The following REDIC1 variants were observed in gnomAD, a reference collection of about 807,000 sequenced individuals.
REDIC1 encodes the protein HEI10 Interacting Protein 1.
the REDIC1 span, among the ~76,000 whole-genome samples, chr12:39,730,583 C>G: frequency 3.9e-5 from 6 of 152,214 alleles, no homozygotes; most frequent in South Asian, 2.1e-4. Context: ...CTCTGGCTAC[C>G]CTTAACATTT....
the REDIC1 span, among the ~76,000 whole-genome samples, chr12:39,729,727 T>G: frequency 2.6e-5 from 4 of 152,302 alleles, no homozygotes; most frequent in South Asian, 6.2e-4. Flanking sequence ...TAATTTTCTG[T>G]CTTGTTGATC....
chr12:39,702,690 A>G, the REDIC1 span, among the ~76,000 whole-genome samples: 1 of 152,206 alleles, frequency 6.6e-6, no homozygotes, highest in African/African-American at 2.4e-5. Context: ...CCTCAATAAA[A>G]TACTGGCAAA....
At chr12:39,670,456 A>G in the REDIC1 span, among the ~76,000 whole-genome samples, 2,339 of 152,290 alleles carry the variant, frequency 0.015, 57 homozygotes, top group African/African-American at 0.051. Context: ...CTCCCAAAGT[A>G]CTGGGATTAG....
At chr12:39,736,007 A>C in the REDIC1 span, among the ~76,000 whole-genome samples, 1 of 152,352 alleles carries the variant, frequency 6.6e-6, no homozygotes, top group East Asian at 1.9e-4. Flanking sequence ...CATCACAAAA[A>C]GAGAGCTTTG....
At chr12:39,760,275 C>T in the REDIC1 span, 1 of 1,579,358 alleles carries the variant, frequency 6.3e-7, no homozygotes, top group Admixed American at 1.7e-5. Context: ...ATAATAGATA[C>T]ATGAATATGA....
chr12:39,713,828 T>G, the REDIC1 span, among the ~76,000 whole-genome samples: 4 of 146,734 alleles, frequency 2.7e-5, no homozygotes, highest in Non-Finnish European at 6.1e-5. Context: ...CGTGTATACA[T>G]GTATATACAC....
the REDIC1 span, among the ~76,000 whole-genome samples, chr12:39,668,147 G>A: frequency 6.6e-6 from 1 of 151,884 alleles, no homozygotes; most frequent in African/African-American, 2.4e-5. Flanking sequence ...AGTTGATGCA[G>A]TTTCTTCCTA....
At chr12:39,741,765 C>T in the REDIC1 span, among the ~76,000 whole-genome samples, 6 of 152,226 alleles carry the variant, frequency 3.9e-5, no homozygotes, top group Admixed American at 2.6e-4. Flanking sequence ...GGCAGGTTTC[C>T]AGATTCTTTA....
chr12:39,635,551 C>T, the REDIC1 span, among the ~76,000 whole-genome samples: 1 of 151,448 alleles, frequency 6.6e-6, no homozygotes, highest in Non-Finnish European at 1.5e-5. Flanking sequence ...GGACAGAAAA[C>T]CAAACACCAC....
the REDIC1 span, among the ~76,000 whole-genome samples, chr12:39,905,037 G>A: frequency 1.3e-5 from 2 of 152,116 alleles, no homozygotes; most frequent in African/African-American, 4.8e-5. Flanking sequence ...CTGCTTTAGT[G>A]ACAAGCCACC....
the REDIC1 span, among the ~76,000 whole-genome samples, chr12:39,724,036 C>T: frequency 2.0e-5 from 3 of 152,244 alleles, no homozygotes; most frequent in East Asian, 5.8e-4. Context: ...GCTGCCAGTG[C>T]ATGACTCATT....
At chr12:39,724,553 G>T in the REDIC1 span, among the ~76,000 whole-genome samples, 22 of 152,066 alleles carry the variant, frequency 1.4e-4, no homozygotes, top group Middle Eastern at 3.2e-3. Flanking sequence ...ATATGTACTT[G>T]AATCCTTGTC....
At chr12:39,752,517 G>A in the REDIC1 span, among the ~76,000 whole-genome samples, 1 of 152,098 alleles carries the variant, frequency 6.6e-6, no homozygotes, top group South Asian at 2.1e-4. Context: ...GGAGAAACAG[G>A]CAAGGGATAA....
the REDIC1 span, among the ~76,000 whole-genome samples, chr12:39,627,559 C>A: frequency 2.3e-4 from 35 of 152,102 alleles, no homozygotes; most frequent in Non-Finnish European, 4.6e-4. Context: ...CAATATACTG[C>A]AGGAAACATG....
chr12:39,632,297 C>T, the REDIC1 span, among the ~76,000 whole-genome samples: 1 of 151,816 alleles, frequency 6.6e-6, no homozygotes, highest in South Asian at 2.1e-4. Context: ...AGGGTTTCAC[C>T]ATATTGGCCA....
the REDIC1 span, among the ~76,000 whole-genome samples, chr12:39,691,589 G>C: frequency 3.3e-5 from 5 of 152,008 alleles, no homozygotes; most frequent in African/African-American, 1.2e-4. Context: ...TGAAAATAAA[G>C]TACAAATTAC....
At chr12:39,839,135 C>T in the REDIC1 span, among the ~76,000 whole-genome samples, 1 of 152,248 alleles carries the variant, frequency 6.6e-6, no homozygotes, top group African/African-American at 2.4e-5. Context: ...CCCTTCCTCA[C>T]TGCTCTCACC....
At chr12:39,889,203 C>T in the REDIC1 span, among the ~76,000 whole-genome samples, 2 of 152,002 alleles carry the variant, frequency 1.3e-5, no homozygotes, top group Non-Finnish European at 2.9e-5. Context: ...ATATATCTGA[C>T]AATTTACTTA....
the REDIC1 span, among the ~76,000 whole-genome samples, chr12:39,873,274 A>T: frequency 6.6e-6 from 1 of 152,216 alleles, no homozygotes; most frequent in African/African-American, 2.4e-5. Context: ...AAAAAGAGAA[A>T]TTCCCAGTGG....
Sources: gnomAD v4.1 joint callset for allele counts (sites outside exome capture counted in the v4.1 genomes callset) on GRCh38, gnomAD v4.1.1 for gene constraint, MANE v1.5 for transcripts, NCBI Gene and HGNC (gene_info 2026-07-23, HGNC 2026-07-21) for gene names.